CTNNA3: variants seen among roughly 807,000 people sequenced by gnomAD.
The protein encoded by CTNNA3 is catenin alpha 3.
A neutral mutation model predicts 95.7 loss-of-function variants in CTNNA3; 76 were observed. The observed-to-expected ratio is 0.79, with a 90% CI of 0.66 to 0.96. CTNNA3 has a LOEUF of 0.96. Ranked by LOEUF, CTNNA3 falls within the 40% of genes least tolerant of loss-of-function variation. The pLI is 0.00. For synonymous variants in CTNNA3, 431 were observed against 374.4 expected (o/e 1.15, Z -1.74); for missense variants, 1,191 against 1,089.8 (o/e 1.09, Z -1.31).
chr10:67,211,725 A>G (rs1351086836), intron 6 of CTNNA3, among the ~76,000 whole-genome samples: 3 of 152,164 alleles, frequency 2.0e-5, no homozygotes, highest in Non-Finnish European at 2.9e-5. Context: ...GTATTCCAAC[A>G]GTCTCCATCA....
chr10:66,550,743 TATCTC>T (rs1475456656), intron 10 of CTNNA3, among the ~76,000 whole-genome samples: 1 of 152,180 alleles, frequency 6.6e-6, no homozygotes, highest in Non-Finnish European at 1.5e-5. Flanking sequence ...ATATTTTTAT[TATCTC>T]ATTGTAATTT....
At chr10:66,702,707 C>CA (rs36140474) in intron 9 of CTNNA3, among the ~76,000 whole-genome samples, 32,052 of 81,122 alleles carry the variant, frequency 0.4, 7,186 homozygotes, top group East Asian at 0.78. Flanking sequence ...AACTCCACCT[C>CA]AAAAAAAAAA....
chr10:67,021,268 T>C (rs1460694278), intron 7 of CTNNA3, among the ~76,000 whole-genome samples: 1 of 152,132 alleles, frequency 6.6e-6, no homozygotes, highest in African/African-American at 2.4e-5. Flanking sequence ...ATACAGAATA[T>C]AGTACCATTT....
intron 10 of CTNNA3, among the ~76,000 whole-genome samples, chr10:66,534,477 T>TAC (rs1841580629): frequency 6.5e-4 from 1 of 1,536 alleles, no homozygotes; most frequent in South Asian, 6.4e-3. Flanking sequence ...ATCATATATA[T>TAC]ATATATATAT....
chr10:66,503,526 T>G (rs568276441), intron 11 of CTNNA3, among the ~76,000 whole-genome samples: 3 of 151,962 alleles, frequency 2.0e-5, no homozygotes, highest in Non-Finnish European at 4.4e-5. Flanking sequence ...TGGAGTGCAG[T>G]GGTGTGATCT....
chr10:67,652,247 C>T (rs1839897712), intron 1 of CTNNA3, among the ~76,000 whole-genome samples: 1 of 152,236 alleles, frequency 6.6e-6, no homozygotes, highest in Non-Finnish European at 1.5e-5. Context: ...CTAATATCAT[C>T]ACCCTGGGAG....
At chr10:67,485,512 CAGAA>C (rs945410449) in intron 5 of CTNNA3, among the ~76,000 whole-genome samples, 1 of 152,052 alleles carries the variant, frequency 6.6e-6, no homozygotes, top group Non-Finnish European at 1.5e-5. Context: ...AAAATTAAAA[CAGAA>C]AGAAAGATAA....
chr10:66,633,490 C>T (rs192300896), intron 9 of CTNNA3, among the ~76,000 whole-genome samples: 2,013 of 152,134 alleles, frequency 0.013, 40 homozygotes, highest in African/African-American at 0.045. Flanking sequence ...ACCATCCTGG[C>T]TAACATGGTG....
In CTNNA3 at chr10:67,521,737, C is replaced by G. The variant is rs10509289; in HGVS notation, c.579+105G>C. 227,931 of 1,389,952 alleles carry G rather than the reference C, an allele frequency of 0.16. 30,161 individuals carry two copies. The highest frequency in any genetic ancestry group is 0.7 in the East Asian group (30,502 of 43,306). 86.1% of individuals were successfully genotyped at this position (1,389,952 alleles called of 1,614,324 possible). ...CAGCACAACCTGTATCTGCTCTAAC[C>G]ATTAGAAGATAAGTTTCCTCAGACC... is the stretch of plus-strand genomic sequence containing the variant. On this transcript the variant is annotated intron_variant, in intron 5 of 17. Coordinates refer to ENST00000433211, the MANE Select transcript of CTNNA3 (RefSeq NM_013266.4).
chr10:66,829,939 C>T (rs914495219), intron 7 of CTNNA3, among the ~76,000 whole-genome samples: 2 of 151,834 alleles, frequency 1.3e-5, no homozygotes, highest in South Asian at 4.2e-4. Flanking sequence ...GATCTCGGCT[C>T]CCTGCAAGCT....
intron 6 of CTNNA3, among the ~76,000 whole-genome samples, chr10:67,189,689 A>G (rs912625765): frequency 6.6e-6 from 1 of 152,242 alleles, no homozygotes; most frequent in South Asian, 2.1e-4. Context: ...CTGAACAGGC[A>G]TCAGCATTAT....
chr10:66,668,176 A>C (rs192296580), intron 9 of CTNNA3, among the ~76,000 whole-genome samples: 116 of 152,246 alleles, frequency 7.6e-4, no homozygotes, highest in Admixed American at 2.7e-3. Flanking sequence ...TCAATTTACT[A>C]ATTTATCACT....
intron 7 of CTNNA3, among the ~76,000 whole-genome samples, chr10:66,950,402 A>T (rs1589475863): frequency 1.3e-5 from 2 of 152,140 alleles, no homozygotes; most frequent in East Asian, 3.9e-4. Flanking sequence ...AGGTTTTGAG[A>T]TATACTATAT....
intron 3 of CTNNA3, among the ~76,000 whole-genome samples, chr10:67,600,044 T>C (rs1402998879): frequency 6.6e-6 from 1 of 152,092 alleles, no homozygotes; most frequent in African/African-American, 2.4e-5. Flanking sequence ...AGTAGACCCA[T>C]ACATATATGG....
chr10:67,375,778 A>G (rs1287079626), intron 5 of CTNNA3, among the ~76,000 whole-genome samples: 2 of 152,198 alleles, frequency 1.3e-5, no homozygotes, highest in Non-Finnish European at 2.9e-5. Flanking sequence ...CTGGCTAACA[A>G]AACCTGAAAT....
chr10:66,117,562 C>T (rs2082393623), intron 13 of CTNNA3, among the ~76,000 whole-genome samples: 1 of 152,044 alleles, frequency 6.6e-6, no homozygotes, highest in Non-Finnish European at 1.5e-5. Flanking sequence ...TTCATGAGTC[C>T]TCTCACCAGA....
At chr10:67,416,598 A>G (rs1370041527) in intron 5 of CTNNA3, among the ~76,000 whole-genome samples, 2 of 128,072 alleles carry the variant, frequency 1.6e-5, no homozygotes, top group African/African-American at 6.4e-5. Context: ...ACAGAGAGAG[A>G]CTCTGTCTCA....
intron 7 of CTNNA3, among the ~76,000 whole-genome samples, chr10:67,154,971 C>G (rs1268552079): frequency 1.3e-5 from 2 of 152,210 alleles, no homozygotes; most frequent in Admixed American, 1.3e-4. Flanking sequence ...TGGCCTCTAA[C>G]ATAGAGAGGT....
intron 13 of CTNNA3, among the ~76,000 whole-genome samples, chr10:66,231,188 T>G (rs964365890): frequency 1.3e-4 from 20 of 152,174 alleles, no homozygotes; most frequent in Non-Finnish European, 1.5e-5. Context: ...GTGTGAGTAT[T>G]CATCGTGGGA....
Sources: allele counts gnomAD v4.1 joint callset (sites outside exome capture counted in the v4.1 genomes callset), GRCh38; gene constraint gnomAD v4.1.1; transcripts MANE v1.5; gene names NCBI Gene and HGNC (gene_info 2026-07-23, HGNC 2026-07-21).